The following PROX1 variants were observed in gnomAD, a reference collection of about 807,000 sequenced individuals.
The protein encoded by PROX1 is prospero homeobox protein 1.
In PROX1, 7 loss-of-function variants were observed where a neutral mutation model predicts 58.8. The observed-to-expected ratio is 0.12, with a 90% confidence interval of 0.07 to 0.22. PROX1 has a LOEUF of 0.22. Among genes scored for constraint, PROX1 ranks in the 10% least tolerant of loss-of-function variants. PROX1 has a pLI of 1.00. For synonymous variants in PROX1, 350 were observed against 358.3 expected (o/e 0.98, Z 0.26); for missense variants, 675 against 927.8 (o/e 0.73, Z 3.54).
intron 4 of PROX1, among the ~76,000 whole-genome samples, chr1:214,026,329 A>G (rs1394772839): frequency 6.6e-6 from 1 of 152,200 alleles, no homozygotes; most frequent in East Asian, 1.9e-4. Context: ...TTCACTGACC[A>G]AATTTCAGCC....
intron 1 of PROX1, among the ~76,000 whole-genome samples, chr1:213,995,235 A>G (rs1663217003): frequency 6.6e-6 from 1 of 152,230 alleles, no homozygotes; most frequent in East Asian, 1.9e-4. Context: ...ATTATAAACA[A>G]AAAGATGTGA....
At chr1:214,034,704 T>TATTA (rs1664773867) in intron 4 of PROX1, among the ~76,000 whole-genome samples, 1 of 152,138 alleles carries the variant, frequency 6.6e-6, no homozygotes. Flanking sequence ...CACACATACA[T>TATTA]ATTAATTGCT....
chr1:214,000,053 CACACACACACACAG>C (rs1336378089), intron 2 of PROX1, among the ~76,000 whole-genome samples: 2 of 152,038 alleles, frequency 1.3e-5, no homozygotes, highest in African/African-American at 2.4e-5. Context: ...TACACACACA[CACACACACACACAG>C]ACACACACAC....
rs964852237 is a variant in PROX1, at chr1:214,037,193, ACT to A, written c.*1360_*1361del. 9.2e-5 allele frequency: 14 copies of A among 151,996 alleles called. No homozygotes were observed. The highest frequency in any genetic ancestry group is 1.3e-4 in the Non-Finnish European group (9 of 68,012). The allele number at this position is 151,996 out of a possible 1,614,324, so 9.4% of individuals were successfully genotyped here. On this transcript the variant is annotated 3_prime_UTR_variant, in exon 5 of 5. Coordinates refer to ENST00000366958, the MANE Select transcript of PROX1 (RefSeq NM_001270616.2). The stretch of plus-strand genomic sequence containing the variant: ...TTTTCAATGATGTACAGTGTTCCCT[ACT>A]TGCATTGAAAAAACTCGTATGGCAT...
At chr1:214,029,461 C>A (rs1014949101) in intron 4 of PROX1, 1 of 152,034 alleles carries the variant, frequency 6.6e-6, no homozygotes, top group South Asian at 2.1e-4. Context: ...TACCTTTGAC[C>A]CCTTTCAGAT....
intron 2 of PROX1, among the ~76,000 whole-genome samples, chr1:214,004,333 A>G (rs2102713625): frequency 6.6e-6 from 1 of 152,332 alleles, no homozygotes; most frequent in African/African-American, 2.4e-5. Context: ...TTACAGATCT[A>G]AAAGGTAATG....
intron 1 of PROX1, among the ~76,000 whole-genome samples, chr1:213,991,440 A>T (rs554920081): frequency 2.6e-5 from 4 of 152,122 alleles, no homozygotes; most frequent in African/African-American, 9.7e-5. Flanking sequence ...ACACACACAC[A>T]CCCAATACTT....
At chr1:214,012,767 G>A (rs394638) in intron 4 of PROX1, among the ~76,000 whole-genome samples, 150,211 of 152,302 alleles carry the variant, frequency 0.99, 74,114 homozygotes, top group Middle Eastern at 1. Context: ...TTTCTCCAAC[G>A]TCTGTGTGCA....
chr1:214,006,367 C>T (rs1486474261), intron 3 of PROX1, among the ~76,000 whole-genome samples: 1 of 152,174 alleles, frequency 6.6e-6, no homozygotes, highest in Non-Finnish European at 1.5e-5. Flanking sequence ...AAGAAAAGTT[C>T]TGTTTTCCCT....
At chr1:214,032,049 C>A (rs1282300090) in intron 4 of PROX1, among the ~76,000 whole-genome samples, 1 of 152,178 alleles carries the variant, frequency 6.6e-6, no homozygotes, top group Non-Finnish European at 1.5e-5. Flanking sequence ...ACAAAGAATT[C>A]ATTTCTTCCC....
intron 4 of PROX1, among the ~76,000 whole-genome samples, chr1:214,022,958 C>T (rs1405499300): frequency 6.6e-6 from 1 of 152,202 alleles, no homozygotes; most frequent in Non-Finnish European, 1.5e-5. Flanking sequence ...CCTGGTGACT[C>T]TGCTGCAGCT....
chr1:213,984,578 C>G (rs1662777980), upstream of PROX1: 1 of 152,358 alleles, frequency 6.6e-6, no homozygotes, highest in South Asian at 2.1e-4. Context: ...CAGAACAAAT[C>G]CAGGTTGGGC....
intron 2 of PROX1, among the ~76,000 whole-genome samples, chr1:213,999,702 T>G (rs1663422813): frequency 6.6e-6 from 1 of 152,074 alleles, no homozygotes; most frequent in Non-Finnish European, 1.5e-5. Flanking sequence ...AGAAATGGAG[T>G]TTTAGCTTGG....
rs1471275016 is a variant in PROX1 at position 214,040,183 on chromosome 1, A to G, written c.*4349A>G. 1.3e-5 allele frequency: 2 copies of G among 152,190 alleles called. No homozygotes were observed. The highest frequency in any genetic ancestry group is 6.5e-5 in the Admixed American group (1 of 15,276). The allele number at this position is 152,190 out of a possible 1,614,324, so 9.4% of individuals were successfully genotyped here. ...GGAAATGCAGTTTTGTTTTCTGTAG[A>G]TCTGTTGGTTGTAAACCATCTATAA... On this transcript the variant is annotated 3_prime_UTR_variant, in exon 5 of 5. Coordinates refer to ENST00000366958, the MANE Select transcript of PROX1 (RefSeq NM_001270616.2).
chr1:214,011,739 G>A (rs763891192), intron 4 of PROX1, 24 bp downstream of exon 4: 3 of 1,518,076 alleles, frequency 2.0e-6, no homozygotes, highest in Non-Finnish European at 2.7e-6. Flanking sequence ...TTTATTTTTT[G>A]GTCATCTCCC....
At chr1:214,000,232 T>TATA (rs1291525626) in intron 2 of PROX1, among the ~76,000 whole-genome samples, 1 of 152,222 alleles carries the variant, frequency 6.6e-6, no homozygotes, top group African/African-American at 2.4e-5. Flanking sequence ...ACCAGATCAT[T>TATA]ATAATTATGG....
chr1:214,023,867 G>A (rs1664366106), intron 4 of PROX1, among the ~76,000 whole-genome samples: 1 of 152,172 alleles, frequency 6.6e-6, no homozygotes, highest in African/African-American at 2.4e-5. Context: ...AAATACTTGG[G>A]CAGGGAGGGA....
chr1:214,032,421 G>A (rs926640331), intron 4 of PROX1, among the ~76,000 whole-genome samples: 1 of 150,926 alleles, frequency 6.6e-6, no homozygotes, highest in African/African-American at 2.4e-5. Context: ...TTTTGAGATG[G>A]GGTCTCACTG....
intron 2 of PROX1, among the ~76,000 whole-genome samples, chr1:214,002,005 T>C (rs1663533085): frequency 6.6e-6 from 1 of 152,214 alleles, no homozygotes. Context: ...GGGGAAAACC[T>C]CTTAGAAACT....
Sources: gnomAD v4.1 joint callset for allele counts (sites outside exome capture counted in the v4.1 genomes callset) on GRCh38, gnomAD v4.1.1 for gene constraint, MANE v1.5 for transcripts, NCBI Gene and HGNC (gene_info 2026-07-23, HGNC 2026-07-21) for gene names.